TP53BP1: variants seen among roughly 807,000 people sequenced by gnomAD.
TP53BP1 encodes TP53-binding protein 1.
TP53BP1 carries 61 observed loss-of-function variants against 200.8 expected under a neutral mutation model. The ratio of observed to expected loss-of-function variants is 0.30; its 90% CI spans 0.25 to 0.38. TP53BP1 has a LOEUF of 0.38. Among genes scored for constraint, TP53BP1 ranks in the 10% least tolerant of loss-of-function variants. TP53BP1 has a pLI of 1.00. For missense variants in TP53BP1, 2,144 were observed against 2,371.9 expected (o/e 0.90, Z 2.00); for synonymous variants, 822 against 844.3 (o/e 0.97, Z 0.46).
chr15:43,466,110 C>T (rs1157689011), intron 11 of TP53BP1, among the ~76,000 whole-genome samples: 2 of 152,112 alleles, frequency 1.3e-5, no homozygotes, highest in Non-Finnish European at 2.9e-5. Context: ...AAACAATGTC[C>T]CCCACCAAAA....
At chr15:43,426,656 A>C (rs1214994839) in intron 18 of TP53BP1, among the ~76,000 whole-genome samples, 1 of 152,020 alleles carries the variant, frequency 6.6e-6, no homozygotes, top group African/African-American at 2.4e-5. Context: ...ACTCTCCCTG[A>C]GTACAACCTC....
chr15:43,504,512 C>T (rs1231087390), intron 1 of TP53BP1, among the ~76,000 whole-genome samples: 1 of 152,114 alleles, frequency 6.6e-6, no homozygotes, highest in Non-Finnish European at 1.5e-5. Context: ...GTCAGTTCTG[C>T]AGAAGTAGTT....
In TP53BP1 at chr15:43,446,531, C is replaced by A; in HGVS notation, c.2896G>T (p.Val966Leu). ...ATSDVMSESM[V>L]ETHDPILGSG... ...CCAAGTATGGGATCATGGGTCTCCA[C>A]CATGCTTTCAGACATGACATCACTG... Residue 966 changes from valine (V) to leucine (L), a missense_variant, in exon 14 of 28, where the codon GTG becomes TTG. Around this residue, in one of 4 missense-constraint regions of TP53BP1, gnomAD observed 1,700 missense variants for 1,710.3 expected, o/e 0.99. Transcript: ENST00000382044. 6.2e-7 allele frequency: 1 copy of A among 1,614,152 alleles called. No individual in the cohort carries two copies. The highest frequency in any genetic ancestry group is 8.5e-7 in the Non-Finnish European group (1 of 1,180,006).
In TP53BP1 at chr15:43,407,072, T is replaced by G. The variant is rs1030709042; in HGVS notation, c.*311A>C. On this transcript the variant is annotated 3_prime_UTR_variant, in exon 28 of 28. Coordinates refer to ENST00000382044, the MANE Select transcript of TP53BP1 (RefSeq NM_001141980.3). ...ACCTTTTGGGAATGATGCCACAGAA[T>G]AAAGTTCACTCTTAACTTTTCAATT... 14 of 287,860 alleles carry G rather than the reference T, an allele frequency of 4.9e-5. No individual in the cohort carries two copies. Among genetic ancestry groups the G allele is most frequent in the African/African-American group, 3.0e-4 (14 of 46,024 alleles). The allele number at this position is 287,860 out of a possible 1,614,324, so 17.8% of individuals were successfully genotyped here. A position where few individuals can be genotyped will look rare whatever the true frequency, so the allele number is the denominator to read the frequency against.
At chr15:43,413,027 T>C (rs1265553226) in intron 24 of TP53BP1, 92 bp downstream of exon 24, 1 of 1,251,366 alleles carries the variant, frequency 8.0e-7, no homozygotes, top group Admixed American at 2.1e-5. Context: ...TTGCCTCCTC[T>C]ACATACAACA....
At chr15:43,509,533 C>G (rs1057065513) in intron 1 of TP53BP1, among the ~76,000 whole-genome samples, 1 of 152,040 alleles carries the variant, frequency 6.6e-6, no homozygotes, top group Non-Finnish European at 1.5e-5. Flanking sequence ...CTCAGCCTCC[C>G]GAGTAGCTGG....
rs749641497 is a variant in TP53BP1, at chr15:43,447,501, A to AG, written c.2717-17_2717-16insC. Reference sequence around the variant, plus strand: ...AATGGGGTTTCTGAAAAAAAAAAAAAAAAGAAAAAAGAAAGAAAGAAAAAA... The same window carrying AG: ...AATGGGGTTTCTGAAAAAAAAAAAAAGAAAGAAAAAAGAAAGAAAGAAAAAA... On this transcript the variant is annotated splice_polypyrimidine_tract_variant and intron_variant, in intron 12 of 27. Coordinates refer to ENST00000382044, the MANE Select transcript of TP53BP1 (RefSeq NM_001141980.3). 2.7e-6 allele frequency: 4 copies of AG among 1,485,826 alleles called. No individual in the cohort carries two copies. The highest frequency in any genetic ancestry group is 2.7e-5 in the South Asian group (2 of 73,866). The allele number at this position is 1,485,826 out of a possible 1,614,324, so 92.0% of individuals were successfully genotyped here. A position where few individuals can be genotyped will look rare whatever the true frequency, so the allele number is the denominator to read the frequency against.
chr15:43,443,231 A>G (rs2045969720), intron 14 of TP53BP1, among the ~76,000 whole-genome samples: 1 of 152,072 alleles, frequency 6.6e-6, no homozygotes, highest in South Asian at 2.1e-4. Context: ...AAAACCAAAA[A>G]CTTTTTAAAA....
Position 43,456,254 on chromosome 15 carries a change from T to C in TP53BP1, c.2354A>G (p.Lys785Arg). 6.2e-7 allele frequency: 1 copy of C among 1,614,192 alleles called. No individual in the cohort carries two copies. Among genetic ancestry groups the C allele is most frequent in the African/African-American group, 1.3e-5 (1 of 75,062 alleles). Reference protein sequence around the residue: ...VSCEPLEGVEKCSDSQSWEDI... With the variant: ...VSCEPLEGVERCSDSQSWEDI... The stretch of plus-strand genomic sequence containing the variant: ...CTCCCATGACTGGGAATCTGAGCAC[T>C]TCTCCACTCCCTCCAAAGGTTCACA... The change falls in exon 12 of 28, where the codon AAG (lysine) becomes AGG (arginine). Residue 785 changes from lysine to arginine, a missense_variant. Lys to Arg is a conservative substitution (Grantham distance 26). Transcript: ENST00000382044.
At chr15:43,493,833 A>T (rs1327426285), upstream of TP53BP1, among the ~76,000 whole-genome samples, 1 of 152,066 alleles carries the variant, frequency 6.6e-6, no homozygotes, top group African/African-American at 2.4e-5. Flanking sequence ...CTTTTATGGG[A>T]TTGCCTGCAG....
intron 15 of TP53BP1, among the ~76,000 whole-genome samples, chr15:43,440,606 G>C (rs748539537): frequency 2.0e-5 from 3 of 152,000 alleles, no homozygotes; most frequent in African/African-American, 4.8e-5. Context: ...AAGAATTCTT[G>C]GTGGGGCATG....
At chr15:43,454,350 A>G (rs2143009043) in intron 12 of TP53BP1, among the ~76,000 whole-genome samples, 1 of 148,728 alleles carries the variant, frequency 6.7e-6, no homozygotes. Context: ...TTGGAGCTTG[A>G]TTTTACATTA....
chr15:43,424,449 A>C (rs1168331176), intron 18 of TP53BP1, among the ~76,000 whole-genome samples: 1 of 152,190 alleles, frequency 6.6e-6, no homozygotes, highest in Non-Finnish European at 1.5e-5. Flanking sequence ...AACTAGATAC[A>C]CTTGTGTTTT....
upstream of TP53BP1, among the ~76,000 whole-genome samples, chr15:43,493,880 G>C (rs2079162027): frequency 6.6e-6 from 1 of 152,088 alleles, no homozygotes; most frequent in South Asian, 2.1e-4. Context: ...ACCTCCCATT[G>C]AGAGAATTGA....
At chr15:43,412,919 C>A (rs1341046291) in intron 24 of TP53BP1, among the ~76,000 whole-genome samples, 200 bp downstream of exon 24, 1 of 152,182 alleles carries the variant, frequency 6.6e-6, no homozygotes, top group East Asian at 1.9e-4. Flanking sequence ...TTTTCAGGAA[C>A]CACTCACTGA....
At chr15:43,437,921 A>C (rs2045836730) in intron 16 of TP53BP1, among the ~76,000 whole-genome samples, 1 of 152,230 alleles carries the variant, frequency 6.6e-6, no homozygotes, top group South Asian at 2.1e-4. Flanking sequence ...GAAATGTCCA[A>C]GGACATGGCA....
intron 18 of TP53BP1, among the ~76,000 whole-genome samples, chr15:43,422,960 C>T (rs994426731): frequency 6.6e-6 from 1 of 151,684 alleles, no homozygotes; most frequent in East Asian, 1.9e-4. Context: ...TGCCACTGTA[C>T]TCCAGCCTAG....
chr15:43,440,688 G>C (rs1422835501), intron 15 of TP53BP1, among the ~76,000 whole-genome samples: 1 of 152,010 alleles, frequency 6.6e-6, no homozygotes, highest in Non-Finnish European at 1.5e-5. Context: ...AGGAGTTCAA[G>C]GCCAGCCTGG....
chr15:43,469,258 T>C (rs1331201752), intron 11 of TP53BP1, among the ~76,000 whole-genome samples: 2 of 152,078 alleles, frequency 1.3e-5, no homozygotes, highest in Non-Finnish European at 2.9e-5. Flanking sequence ...AAAATACACA[T>C]TGGAAAACTA....
Sources: gnomAD v4.1 joint callset for allele counts (sites outside exome capture counted in the v4.1 genomes callset) on GRCh38, gnomAD v4.1.1 for gene constraint, gnomAD v4.1.1 regional missense constraint, MANE v1.5 for transcripts, NCBI Gene and HGNC (gene_info 2026-07-23, HGNC 2026-07-21) for gene names.